The following PPCS variants were observed in gnomAD, a reference collection of about 807,000 sequenced individuals.
The protein encoded by PPCS is phosphopantothenate--cysteine ligase.
PPCS carries 17 observed loss-of-function variants against 24.6 expected under a neutral mutation model. The observed-to-expected ratio is 0.69, with a 90% CI of 0.47 to 1.04. The LOEUF (loss-of-function observed/expected upper bound fraction) is 1.04, where lower values mean the gene tolerates loss of function less well. Ranked by LOEUF, PPCS falls within the 50% of genes least tolerant of loss-of-function variation. The pLI is 0.00. For missense variants in PPCS, 360 were observed against 402.8 expected (o/e 0.89, Z 0.91); for synonymous variants, 190 against 168.3 (o/e 1.13, Z -1.00).
chr1:42,465,128 T>C (rs1416570467), downstream of PPCS, among the ~76,000 whole-genome samples: 1 of 152,102 alleles, frequency 6.6e-6, no homozygotes, highest in Non-Finnish European at 1.5e-5. Flanking sequence ...TGGGCAAACA[T>C]GGCAAAAACC....
At chr1:42,463,716 G>C (rs1291313079), downstream of PPCS, 1 of 152,162 alleles carries the variant, frequency 6.6e-6, no homozygotes, top group Non-Finnish European at 1.5e-5. Flanking sequence ...CCCCTGGACA[G>C]ACAACGCCCG....
downstream of PPCS, among the ~76,000 whole-genome samples, chr1:42,464,969 T>G (rs1438452063): frequency 1.3e-5 from 2 of 149,722 alleles, no homozygotes; most frequent in African/African-American, 4.8e-5. Context: ...TCTGCAGCCT[T>G]TTCAATCTTG....
rs1247735798 is a variant in PPCS, at chr1:42,456,935, G to T, written c.370G>T (p.Ala124Ser). ...GLLSLEAEEN[A>S]LPGFAEALRS... The stretch of plus-strand genomic sequence containing the variant: ...GCTGAGCCTGGAGGCCGAGGAGAAT[G>T]CACTTCCGGGTTTTGCTGAGGCTCT... Residue 124 changes from alanine (A) to serine (S), a missense_variant, in exon 1 of 3, where the codon GCA (alanine) becomes TCA (serine). Physicochemically the swap from Ala to Ser is moderately conservative, Grantham distance 99. Coordinates refer to ENST00000372561, the MANE Select transcript of PPCS (RefSeq NM_024664.4). 6.2e-7 allele frequency: 1 copy of T among 1,607,812 alleles called. No individual in the cohort carries two copies. Among genetic ancestry groups the T allele is most frequent in the Admixed American group, 1.7e-5 (1 of 60,032 alleles).
At chr1:42,469,871 A>G (rs1643710791) in intron 2 of PPCS, among the ~76,000 whole-genome samples, 1 of 152,214 alleles carries the variant, frequency 6.6e-6, no homozygotes, top group East Asian at 1.9e-4. Context: ...AAAAGTTTTG[A>G]ATAGTTGCTG....
rs144602531 is a variant in PPCS at position 42,471,776 on chromosome 1, G to A, written n.378-1346G>A. ...ACTTGGGTGTTTTTCATCAGTATGA[G>A]TATCAGCTGATAATTAAAACCATTT... On this transcript the variant is annotated intron_variant and non_coding_transcript_variant, in intron 2 of 2. Coordinates refer to the PPCS transcript ENST00000471420. Among the ~76,000 whole-genome samples, 603 of 152,294 alleles carry A rather than the reference G, an allele frequency of 4.0e-3. 3 individuals carry two copies. Among genetic ancestry groups the A allele is most frequent in the African/African-American group, 0.014 (575 of 41,540 alleles).
chr1:42,460,420 T>G lies in PPCS; in HGVS notation c.*494T>G, dbSNP rs966831376. ...AAGCTGACACAATGGAAAGGATGTT[T>G]TGTTTTGTTTGAAATTTATCAAATA... is the stretch of plus-strand genomic sequence containing the variant. On this transcript the variant is annotated 3_prime_UTR_variant, in exon 3 of 3. Coordinates refer to ENST00000372561, the MANE Select transcript of PPCS (RefSeq NM_024664.4). 1 of 983,414 alleles carries G rather than the reference T, an allele frequency of 1.0e-6. No homozygotes were observed. The highest frequency in any genetic ancestry group is 1.2e-6 in the Non-Finnish European group (1 of 827,650). The allele number at this position is 983,414 out of a possible 1,614,324, so 60.9% of individuals were successfully genotyped here.
downstream of PPCS, among the ~76,000 whole-genome samples, chr1:42,464,972 C>T (rs1643522891): frequency 6.6e-6 from 1 of 152,186 alleles, no homozygotes; most frequent in African/African-American, 2.4e-5. Flanking sequence ...GCAGCCTTTT[C>T]AATCTTGCAC....
In PPCS at chr1:42,456,772, G is replaced by A; in HGVS notation, c.207G>A (p.Ser69=). The A allele has an allele frequency of 6.2e-7, 1 of 1,612,636 alleles. No homozygotes were observed. The highest frequency in any genetic ancestry group is 1.1e-5 in the South Asian group (1 of 91,006). Residue 69 remains serine (S), a synonymous_variant, in exon 1 of 3, where the codon TCG becomes TCA. Coordinates refer to ENST00000372561, the MANE Select transcript of PPCS (RefSeq NM_024664.4). ...NFSSGRRGAT[S]AEAFLAAGYG... ...GCAGCGGGCGGCGCGGTGCAACCTC[G>A]GCCGAGGCCTTCCTAGCCGCCGGCT...
At chr1:42,466,327 G>A (rs1643580865) in intron 2 of PPCS, among the ~76,000 whole-genome samples, 1 of 152,080 alleles carries the variant, frequency 6.6e-6, no homozygotes, top group Non-Finnish European at 1.5e-5. Context: ...GTACCTACCA[G>A]GAGAAAAAAC....
At chr1:42,457,968 AAAC>A (rs1416010624) in intron 2 of PPCS, among the ~76,000 whole-genome samples, 145 of 151,718 alleles carry the variant, frequency 9.6e-4, no homozygotes, top group Non-Finnish European at 1.5e-3. Context: ...AAAAAAAAAA[AAAC>A]ACCAAAAATC....
intron 2 of PPCS, among the ~76,000 whole-genome samples, chr1:42,472,798 A>C (rs1301311718): frequency 6.6e-6 from 1 of 152,198 alleles, no homozygotes; most frequent in Admixed American, 6.5e-5. Flanking sequence ...GAAAAGTAAA[A>C]TATACATTGT....
At chr1:42,456,477 G>A (rs1251813452), upstream of PPCS, 2 of 1,366,214 alleles carry the variant, frequency 1.5e-6, no homozygotes, top group Non-Finnish European at 1.9e-6. Flanking sequence ...CGCCCACTCA[G>A]TACGGCGCGG....
At chr1:42,464,617 G>C (rs938934854), downstream of PPCS, among the ~76,000 whole-genome samples, 1 of 152,176 alleles carries the variant, frequency 6.6e-6, no homozygotes, top group Non-Finnish European at 1.5e-5. Context: ...TAAAAAGGCT[G>C]GAACAGAGGG....
At chr1:42,468,074 A>G (rs187462355) in intron 2 of PPCS, among the ~76,000 whole-genome samples, 7 of 152,320 alleles carry the variant, frequency 4.6e-5, no homozygotes, top group Admixed American at 4.6e-4. Context: ...GTGTAGCCAC[A>G]TTTAGTTTCC....
chr1:42,464,762 G>A (rs972948401), downstream of PPCS, among the ~76,000 whole-genome samples: 1 of 152,182 alleles, frequency 6.6e-6, no homozygotes, highest in Non-Finnish European at 1.5e-5. Flanking sequence ...AGGTTTAAAA[G>A]TAAACCTATT....
intron 2 of PPCS, chr1:42,457,665 G>A (rs1157295545): frequency 3.1e-6 from 1 of 317,848 alleles, no homozygotes; most frequent in Non-Finnish European, 6.0e-6. Context: ...TTTAAAAGAT[G>A]AGCAGAACCG....
downstream of PPCS, among the ~76,000 whole-genome samples, chr1:42,465,445 A>T (rs570147306): frequency 2.0e-5 from 3 of 151,886 alleles, no homozygotes; most frequent in African/African-American, 4.8e-5. Flanking sequence ...GCCCACTGCA[A>T]CCTCCGCCTC....
chr1:42,456,647 G>T lies in PPCS; in HGVS notation c.82G>T (p.Ala28Ser). The change falls in exon 1 of 3, where the codon GCC becomes TCC. Residue 28 changes from alanine (A) to serine (S), a missense_variant. Ala to Ser is a moderately conservative substitution (Grantham distance 99, BLOSUM62 1). Around this residue, in one of 2 missense-constraint regions of PPCS, gnomAD observed 244 missense variants for 234.7 expected, o/e 1.04. Coordinates refer to ENST00000372561, the MANE Select transcript of PPCS (RefSeq NM_024664.4). Reference sequence around the variant, plus strand: ...GGCTGAGGTTATGGCTCGCTTCGCGGCCAGGCTGGGCGCGCAGGGCCGGCG... The same window carrying T: ...GGCTGAGGTTATGGCTCGCTTCGCGTCCAGGCTGGGCGCGCAGGGCCGGCG... ...RWAEVMARFA[A>S]RLGAQGRRVV... is the part of the protein sequence containing the mutation. 1 of 1,586,530 alleles carries T rather than the reference G, an allele frequency of 6.3e-7. No individual in the cohort carries two copies. Among genetic ancestry groups the T allele is most frequent in the Non-Finnish European group, 8.6e-7 (1 of 1,169,496 alleles).
chr1:42,458,600 G>A (rs541650582), intron 2 of PPCS, among the ~76,000 whole-genome samples: 2 of 152,286 alleles, frequency 1.3e-5, no homozygotes, highest in South Asian at 2.1e-4. Context: ...ATGCTAAGGA[G>A]AAAAATAAAG....
Sources: allele counts gnomAD v4.1 joint callset (sites outside exome capture counted in the v4.1 genomes callset), GRCh38; gene constraint gnomAD v4.1.1; regional missense constraint gnomAD v4.1.1; transcripts MANE v1.5; gene names NCBI Gene and HGNC (gene_info 2026-07-23, HGNC 2026-07-21).